Variants in TPX2 observed in about 807,000 individuals in gnomAD.
TPX2 encodes targeting protein for Xklp2.
In TPX2, 21 loss-of-function variants were observed where a neutral mutation model predicts 93.6. The ratio of observed to expected loss-of-function variants is 0.22; its 90% CI spans 0.16 to 0.32. The LOEUF (loss-of-function observed/expected upper bound fraction) is 0.32, where lower values mean the gene tolerates loss of function less well. Ranked by LOEUF, TPX2 falls within the 10% of genes least tolerant of loss-of-function variation. TPX2 has a pLI of 1.00. For missense variants in TPX2, 776 were observed against 871.1 expected (o/e 0.89, Z 1.37); for synonymous variants, 281 against 298.3 (o/e 0.94, Z 0.60).
chr20:31,772,785 A>G (rs772576955), intron 7 of TPX2, among the ~76,000 whole-genome samples: 8 of 152,120 alleles, frequency 5.3e-5, no homozygotes, highest in Non-Finnish European at 8.8e-5. Flanking sequence ...TTGAAAATGT[A>G]GTTTCCAGCT....
At chr20:31,749,939 AATT>A (rs2061808454) in intron 2 of TPX2, among the ~76,000 whole-genome samples, 2 of 151,940 alleles carry the variant, frequency 1.3e-5, no homozygotes, top group South Asian at 4.1e-4. Context: ...TTTTTAAATT[AATT>A]ATTATTATAT....
chr20:31,757,313 T>C (rs930827332), intron 2 of TPX2, 94 bp from the exon 3 acceptor site: 29 of 613,182 alleles, frequency 4.7e-5, no homozygotes, highest in Admixed American at 1.2e-4. Flanking sequence ...TTTCAGTAAA[T>C]TCTAGGTGGT....
chr20:31,747,527 C>T (rs756223743), intron 2 of TPX2, among the ~76,000 whole-genome samples: 1 of 152,044 alleles, frequency 6.6e-6, no homozygotes, highest in East Asian at 1.9e-4. Flanking sequence ...CTATAAGACA[C>T]GATGGATGGC....
intron 12 of TPX2, among the ~76,000 whole-genome samples, chr20:31,788,171 C>G (rs187504608): frequency 6.6e-6 from 1 of 152,252 alleles, no homozygotes; most frequent in East Asian, 1.9e-4. Context: ...AATCCCAACA[C>G]TTTGGGAAGC....
intron 7 of TPX2, among the ~76,000 whole-genome samples, chr20:31,774,158 C>T (rs1027569181): frequency 1.3e-5 from 2 of 152,152 alleles, no homozygotes; most frequent in African/African-American, 2.4e-5. Context: ...CATGAGCCAC[C>T]GCGCCTGGCT....
At position 31,793,857 on chromosome 20, in the gene TPX2, G is replaced by C; in HGVS notation, c.1519G>C (p.Glu507Gln). 1 of 1,585,620 alleles carries C rather than the reference G, an allele frequency of 6.3e-7. No individual in the cohort carries two copies. The highest frequency in any genetic ancestry group is 8.6e-7 in the Non-Finnish European group (1 of 1,167,364). Residue 507 changes from glutamate (E) to glutamine (Q), a missense_variant, in exon 14 of 18, where the codon GAA becomes CAA. Physicochemically the swap from Glu to Gln is conservative, Grantham distance 29. Coordinates refer to ENST00000300403, the MANE Select transcript of TPX2 (RefSeq NM_012112.5). ...MPTKEDEEED[E>Q]PVVIKAQPVP... Reference sequence around the variant, plus strand: ...GCAATTTTTTCCCTAGGAAGAGGACGAACCGGTAGTGATAAAAGCTCAACC... The same window carrying C: ...GCAATTTTTTCCCTAGGAAGAGGACCAACCGGTAGTGATAAAAGCTCAACC...
At chr20:31,763,757 T>C (rs28815498) in intron 4 of TPX2, among the ~76,000 whole-genome samples, 54,609 of 147,868 alleles carry the variant, frequency 0.37, 12,241 homozygotes, top group African/African-American at 0.62. Context: ...TGATACCTCA[T>C]GCCTGTAATC....
intron 7 of TPX2, 41 bp downstream of exon 7, chr20:31,771,723 A>G (rs1281231424): frequency 6.3e-7 from 1 of 1,582,406 alleles, no homozygotes; most frequent in Non-Finnish European, 8.6e-7. Flanking sequence ...AATGAATGGT[A>G]TAAAATTACA....
intron 10 of TPX2, 76 bp from the exon 11 acceptor site, chr20:31,782,173 T>C: frequency 6.5e-7 from 1 of 1,530,434 alleles, no homozygotes; most frequent in Non-Finnish European, 8.8e-7. Context: ...CTCTCTGGGC[T>C]ACATAGGTGA....
intron 8 of TPX2, 143 bp downstream of exon 8, chr20:31,776,131 A>T: frequency 1.2e-6 from 1 of 849,566 alleles, no homozygotes; most frequent in Non-Finnish European, 1.5e-6. Flanking sequence ...CGGACTGCGG[A>T]CTGCAGTGGC....
chr20:31,794,737 A>G (rs1026489886), intron 15 of TPX2, among the ~76,000 whole-genome samples, 189 bp downstream of exon 15: 3 of 151,212 alleles, frequency 2.0e-5, no homozygotes, highest in East Asian at 1.9e-4. Flanking sequence ...TGTAGGTTAC[A>G]TATGGTCTCT....
At chr20:31,778,397 A>C (rs1010862303) in intron 9 of TPX2, among the ~76,000 whole-genome samples, 1 of 152,150 alleles carries the variant, frequency 6.6e-6, no homozygotes, top group Non-Finnish European at 1.5e-5. Context: ...GGATGTATGG[A>C]GAGATTCCAC....
chr20:31,746,960 T>G (rs2061786906), intron 2 of TPX2, among the ~76,000 whole-genome samples: 1 of 152,176 alleles, frequency 6.6e-6, no homozygotes, highest in Admixed American at 6.5e-5. Flanking sequence ...TTTTAAGTAT[T>G]TTTTACATCA....
chr20:31,777,744 C>A, intron 9 of TPX2, 106 bp downstream of exon 9: 4 of 1,193,840 alleles, frequency 3.4e-6, no homozygotes, highest in Non-Finnish European at 3.4e-6. Flanking sequence ...AGAAAAAAAA[C>A]CTTGTGTCTA....
chr20:31,788,877 T>C (rs570165534), intron 12 of TPX2, among the ~76,000 whole-genome samples: 1 of 152,154 alleles, frequency 6.6e-6, no homozygotes, highest in African/African-American at 2.4e-5. Flanking sequence ...CAGGCTTTTT[T>C]AAAATATATA....
At chr20:31,779,022 C>G in intron 10 of TPX2, 38 bp downstream of exon 10, 1 of 1,518,924 alleles carries the variant, frequency 6.6e-7, no homozygotes, top group Non-Finnish European at 8.8e-7. Context: ...GATGGAACCT[C>G]TCCTACATTC....
chr20:31,798,646 C>T (rs973289548), intron 17 of TPX2, 94 bp downstream of exon 17: 13 of 1,393,710 alleles, frequency 9.3e-6, no homozygotes, highest in Middle Eastern at 2.6e-4. Context: ...TAAGGTAGCC[C>T]GCAAGGCTGT....
At chr20:31,758,705 G>C (rs1387726716) in intron 3 of TPX2, among the ~76,000 whole-genome samples, 1 of 152,066 alleles carries the variant, frequency 6.6e-6, no homozygotes, top group African/African-American at 2.4e-5. Flanking sequence ...CCATTTTTTG[G>C]AAAAGGACTT....
intron 17 of TPX2, among the ~76,000 whole-genome samples, chr20:31,798,985 A>G (rs1205869390): frequency 6.6e-6 from 1 of 152,104 alleles, no homozygotes; most frequent in South Asian, 2.1e-4. Context: ...TATGTAACTT[A>G]TTATTTCCTC....
Sources: allele counts gnomAD v4.1 joint callset (sites outside exome capture counted in the v4.1 genomes callset), GRCh38; gene constraint gnomAD v4.1.1; transcripts MANE v1.5; gene names NCBI Gene and HGNC (gene_info 2026-07-23, HGNC 2026-07-21).